PDXDC1: variants seen among roughly 807,000 people sequenced by gnomAD.
PDXDC1 encodes pyridoxal-dependent decarboxylase domain-containing protein 1.
Under a neutral mutation model 100.1 loss-of-function variants are expected in PDXDC1, and 42 were observed. The ratio of observed to expected loss-of-function variants is 0.42; its 90% CI spans 0.33 to 0.54. PDXDC1 has a LOEUF of 0.54. Among genes scored for constraint, PDXDC1 ranks in the 20% least tolerant of loss-of-function variants. The probability of loss-of-function intolerance (pLI) is 0.10; values close to 1 mark genes in which losing one functional copy is unlikely to be tolerated. For missense variants in PDXDC1, 636 were observed against 979.2 expected (o/e 0.65, Z 4.68); for synonymous variants, 260 against 371.7 (o/e 0.70, Z 3.46).
At chr16:15,035,404 C>A in intron 21 of PDXDC1, 45 bp from the exon 22 acceptor site, 3 of 1,162,650 alleles carry the variant, frequency 2.6e-6, no homozygotes, top group South Asian at 1.4e-5. Context: ...TCTTCAAGGG[C>A]AGCCTGTGCC....
intron 1 of PDXDC1, chr16:14,989,232 G>A (rs1970126330): frequency 5.0e-6 from 8 of 1,614,082 alleles, no homozygotes; most frequent in East Asian, 2.2e-5. Context: ...GTCCTGCAGC[G>A]CCTTGAGCTC....
downstream of PDXDC1, chr16:15,038,595 T>C: frequency 6.3e-7 from 1 of 1,598,488 alleles, no homozygotes; most frequent in South Asian, 1.1e-5. Flanking sequence ...GCTTGTCATC[T>C]TGGTGCAACC....
intron 12 of PDXDC1, among the ~76,000 whole-genome samples, chr16:15,019,972 C>T (rs1182964888): frequency 1.3e-5 from 2 of 152,162 alleles, no homozygotes; most frequent in African/African-American, 4.8e-5. Flanking sequence ...ATTAGCTGGG[C>T]GTGGTGGCGG....
rs753207802 is a variant in PDXDC1, at chr16:15,038,050, A to G, written c.*1775A>G. 1 of 1,612,316 alleles carries G rather than the reference A, an allele frequency of 6.2e-7. No homozygotes were observed. Among genetic ancestry groups the G allele is most frequent in the Non-Finnish European group, 8.5e-7 (1 of 1,179,300 alleles). On this transcript the variant is annotated 3_prime_UTR_variant, in exon 23 of 23. Coordinates refer to ENST00000396410, the MANE Select transcript of PDXDC1 (RefSeq NM_015027.4). Reference sequence around the variant, plus strand: ...TGTTTTTTAACTTCCTGGAGAAGAGATCTTTTCCCACAAGCCATCTTCATT... The same window carrying G: ...TGTTTTTTAACTTCCTGGAGAAGAGGTCTTTTCCCACAAGCCATCTTCATT...
intron 12 of PDXDC1, among the ~76,000 whole-genome samples, chr16:15,020,688 A>C (rs2042128535): frequency 6.6e-6 from 1 of 150,940 alleles, no homozygotes; most frequent in Non-Finnish European, 1.5e-5. Flanking sequence ...CTTTTAAAAA[A>C]AGAAAGAAAA....
At chr16:15,017,210 A>T in intron 10 of PDXDC1, 42 bp downstream of exon 10, 1 of 1,612,428 alleles carries the variant, frequency 6.2e-7, no homozygotes, top group African/African-American at 1.3e-5. Flanking sequence ...TTTAAGAATG[A>T]ATTTAAAGTC....
intron 16 of PDXDC1, among the ~76,000 whole-genome samples, chr16:15,046,254 ACTCT>A (rs1427020440): frequency 6.6e-6 from 1 of 152,130 alleles, no homozygotes; most frequent in Non-Finnish European, 1.5e-5. Flanking sequence ...CTCCCAGAGA[ACTCT>A]CTCTTTCCTT....
At chr16:15,103,547 A>C (rs895901089) in intron 16 of PDXDC1, among the ~76,000 whole-genome samples, 4 of 151,624 alleles carry the variant, frequency 2.6e-5, no homozygotes, top group Admixed American at 6.6e-5. Flanking sequence ...TCTGTCACCC[A>C]GGCTAGAGTG....
At chr16:15,056,085 GC>G in intron 16 of PDXDC1, 1 of 296,264 alleles carries the variant, frequency 3.4e-6, no homozygotes, top group Non-Finnish European at 5.2e-6. Context: ...GTCCTGCCCC[GC>G]CCCACCGCGG....
At position 15,133,534 on chromosome 16, in the gene PDXDC1, C is replaced by G. The variant is rs963333170; in HGVS notation, c.1400-5345C>G. The G allele has an allele frequency of 8.2e-5, 79 of 967,758 alleles. 1 individual carries two copies. The Admixed American group carries it at 1.6e-3, about 19-fold the overall frequency. 59.9% of individuals were successfully genotyped at this position (967,758 alleles called of 1,614,324 possible). A position where few individuals can be genotyped will look rare whatever the true frequency, so the allele number is the denominator to read the frequency against. On this transcript the variant is annotated intron_variant, in intron 16 of 16. Coordinates refer to the PDXDC1 transcript ENST00000535621. ...CGGCTCCCAGCTGGTCCTGCACCACCACGGCCAGGCCCACCTCGAAGTGTG... is the reference window on the plus strand; with the variant it reads ...CGGCTCCCAGCTGGTCCTGCACCACGACGGCCAGGCCCACCTCGAAGTGTG...
chr16:14,991,036 C>T (rs1345061056), intron 1 of PDXDC1, among the ~76,000 whole-genome samples: 14 of 152,284 alleles, frequency 9.2e-5, no homozygotes, highest in Non-Finnish European at 1.3e-4. Flanking sequence ...GCCACTGCGC[C>T]CGGCCAGCAA....
At chr16:15,131,339 C>G in intron 16 of PDXDC1, 1 of 1,555,664 alleles carries the variant, frequency 6.4e-7, no homozygotes, top group Non-Finnish European at 8.8e-7. Context: ...TTGGTGGAGA[C>G]GGTGTAGTTG....
intron 17 of PDXDC1, 138 bp downstream of exon 17, chr16:15,032,044 C>T (rs1339136700): frequency 3.9e-6 from 3 of 775,224 alleles, no homozygotes; most frequent in African/African-American, 3.5e-5. Context: ...ACTCGGTTTT[C>T]TGGGCATTTA....
intron 19 of PDXDC1, among the ~76,000 whole-genome samples, chr16:15,033,644 C>G (rs1453857201): frequency 6.6e-6 from 1 of 152,220 alleles, no homozygotes; most frequent in East Asian, 1.9e-4. Context: ...TGTAGTAACC[C>G]TGCCTTAGAG....
intron 16 of PDXDC1, chr16:15,126,065 C>T (rs1476696592): frequency 3.6e-5 from 19 of 532,400 alleles, no homozygotes; most frequent in Admixed American, 1.3e-4. Context: ...GATGGAGTCT[C>T]GCTCTGTCAC....
chr16:14,998,719 T>A (rs1597389925), intron 3 of PDXDC1, among the ~76,000 whole-genome samples: 1 of 152,288 alleles, frequency 6.6e-6, no homozygotes, highest in African/African-American at 2.4e-5. Flanking sequence ...CCTCCCAAAG[T>A]GCTGGGATTA....
At position 15,125,613 on chromosome 16, in the gene PDXDC1, G is replaced by A. The variant is rs575441606; in HGVS notation, c.1400-13266G>A. The A allele has an allele frequency of 5.9e-6, 7 of 1,192,700 alleles. No individual in the cohort carries two copies. The East Asian group carries it at 7.0e-5, about 12-fold the overall frequency. 73.9% of individuals were successfully genotyped at this position (1,192,700 alleles called of 1,614,324 possible). On this transcript the variant is annotated intron_variant, in intron 16 of 16. Coordinates refer to the PDXDC1 transcript ENST00000535621. ...GTCCAGCAAAGGCCTGCTGAGAGGT[G>A]CACAGTGTCTGGAGTCCAAGCTGCG...
At chr16:15,022,653 T>G in intron 12 of PDXDC1, 51 bp from the exon 13 acceptor site, 1 of 1,574,434 alleles carries the variant, frequency 6.4e-7, no homozygotes. Flanking sequence ...AAACCACTTC[T>G]TCATGTCCCA....
intron 16 of PDXDC1, 60 bp from the exon 17 acceptor site, chr16:15,031,675 C>A: frequency 7.0e-7 from 1 of 1,428,916 alleles, no homozygotes; most frequent in Non-Finnish European, 9.8e-7. Context: ...AAGAGGGAGC[C>A]CTGCCCTCTT....
Sources: allele counts gnomAD v4.1 joint callset (sites outside exome capture counted in the v4.1 genomes callset), GRCh38; gene constraint gnomAD v4.1.1; transcripts MANE v1.5; gene names NCBI Gene and HGNC (gene_info 2026-07-23, HGNC 2026-07-21).